ADAMTSL3: variants seen among roughly 807,000 people sequenced by gnomAD.
The protein encoded by ADAMTSL3 is ADAMTS like 3.
ADAMTSL3 carries 128 observed loss-of-function variants against 201.7 expected under a neutral mutation model. The observed-to-expected ratio is 0.63, with a 90% CI of 0.55 to 0.73. The LOEUF is 0.73. ADAMTSL3 is among the 30% of genes least tolerant of loss of function. The pLI, the probability that ADAMTSL3 is intolerant of heterozygous loss-of-function variation, is 0.00. For missense variants in ADAMTSL3, 1,990 were observed against 2,119.6 expected (o/e 0.94, Z 1.20); for synonymous variants, 738 against 748.4 (o/e 0.99, Z 0.23).
At chr15:83,944,867 C>T (rs1374571105) in intron 19 of ADAMTSL3, among the ~76,000 whole-genome samples, 1 of 152,164 alleles carries the variant, frequency 6.6e-6, no homozygotes, top group African/African-American at 2.4e-5. Context: ...TTTGACATGG[C>T]AATGTCTAGT....
rs1390882745 is a variant in ADAMTSL3, at chr15:83,943,087, G to A, written c.2490+5G>A. Reference sequence around the variant, plus strand: ...GCTGTGGGAGACTGGTCGAAGGTAAGGGCCAGGCTCAACTTTATAGTCCCT... The same window carrying A: ...GCTGTGGGAGACTGGTCGAAGGTAAAGGCCAGGCTCAACTTTATAGTCCCT... On this transcript the variant is annotated splice_donor_5th_base_variant and intron_variant, in intron 19 of 29. Coordinates refer to ENST00000286744, the MANE Select transcript of ADAMTSL3 (RefSeq NM_207517.3). The A allele has an allele frequency of 6.3e-7, 1 of 1,599,996 alleles. No individual in the cohort carries two copies. The highest frequency in any genetic ancestry group is 1.8e-5 in the Admixed American group (1 of 56,444).
At chr15:83,798,806 CAAAA>C (rs11340224) in intron 4 of ADAMTSL3, among the ~76,000 whole-genome samples, 3 of 76,352 alleles carry the variant, frequency 3.9e-5, no homozygotes, top group East Asian at 3.2e-4. Context: ...GACTCCGTCT[CAAAA>C]AAAAAAAAAA....
At chr15:83,828,289 T>C (rs1374939444) in intron 6 of ADAMTSL3, among the ~76,000 whole-genome samples, 1 of 152,222 alleles carries the variant, frequency 6.6e-6, no homozygotes, top group Non-Finnish European at 1.5e-5. Context: ...TTTGAAGCAA[T>C]GGTGAATGGG....
intron 4 of ADAMTSL3, among the ~76,000 whole-genome samples, chr15:83,791,392 G>C (rs188121166): frequency 3.0e-4 from 45 of 152,304 alleles, no homozygotes; most frequent in Non-Finnish European, 4.3e-4. Flanking sequence ...CAGACAGGTT[G>C]TCCGATGGAA....
At chr15:83,733,979 T>C (rs930682956) in intron 3 of ADAMTSL3, among the ~76,000 whole-genome samples, 1 of 152,082 alleles carries the variant, frequency 6.6e-6, no homozygotes, top group African/African-American at 2.4e-5. Context: ...CAGGCGGACA[T>C]TTAATTAAAG....
intron 2 of ADAMTSL3, among the ~76,000 whole-genome samples, chr15:83,697,239 A>G (rs547104161): frequency 6.6e-6 from 1 of 152,340 alleles, no homozygotes; most frequent in Admixed American, 6.5e-5. Context: ...GAAATAGGAA[A>G]AAACAAAACA....
In ADAMTSL3 at chr15:83,829,689, CT is replaced by C. The variant is rs1323151543; in HGVS notation, c.601-8399del. Among the ~76,000 whole-genome samples, 6 of 152,194 alleles carry C rather than the reference CT, an allele frequency of 3.9e-5. No individual in the cohort carries two copies. In the South Asian group the frequency reaches 1.0e-3, roughly 26 times the overall value. On this transcript the variant is annotated intron_variant, in intron 6 of 29. Coordinates refer to ENST00000286744, the MANE Select transcript of ADAMTSL3 (RefSeq NM_207517.3). ...AGTGCTATAAATTTCCCTCTACACA[CT>C]GCTTTAAATGTGTCCCAGAGATTCT...
chr15:83,824,146 C>T lies in ADAMTSL3; in HGVS notation c.600+4099C>T, dbSNP rs182434974. 4.6e-5 allele frequency among the ~76,000 whole-genome samples: 7 copies of T among 151,630 alleles called. No homozygotes were observed. The East Asian group carries it at 1.2e-3, about 25-fold the overall frequency. ...GCAGACTCATCCTCCTGGGCTCAAT[C>T]GATCCTCCTGCCTCAGCCTCCCACG... is the stretch of plus-strand genomic sequence containing the variant. On this transcript the variant is annotated intron_variant, in intron 6 of 29. Transcript: ENST00000286744.
chr15:83,714,112 T>TA (rs1323899012), intron 3 of ADAMTSL3, among the ~76,000 whole-genome samples: 2 of 152,242 alleles, frequency 1.3e-5, no homozygotes, highest in Non-Finnish European at 2.9e-5. Flanking sequence ...GTAGTACTCT[T>TA]AATCTGCTTT....
At chr15:83,870,758 C>G in intron 8 of ADAMTSL3, 44 bp from the exon 9 acceptor site, 1 of 1,468,750 alleles carries the variant, frequency 6.8e-7, no homozygotes, top group South Asian at 1.3e-5. Context: ...TAATAAAATA[C>G]CTTTAAGATT....
At chr15:83,718,308 A>T (rs2141564443) in intron 3 of ADAMTSL3, among the ~76,000 whole-genome samples, 1 of 152,292 alleles carries the variant, frequency 6.6e-6, no homozygotes, top group South Asian at 2.1e-4. Flanking sequence ...TTAGCCTGGA[A>T]CATTATGTAA....
chr15:83,906,698 T>C (rs2141941147), intron 15 of ADAMTSL3, among the ~76,000 whole-genome samples: 1 of 151,468 alleles, frequency 6.6e-6, no homozygotes, highest in Admixed American at 6.6e-5. Context: ...GCTACTTTAT[T>C]GAACTGTTTT....
intron 2 of ADAMTSL3, among the ~76,000 whole-genome samples, chr15:83,665,133 T>A (rs1221449678): frequency 6.6e-6 from 1 of 152,096 alleles, no homozygotes; most frequent in Non-Finnish European, 1.5e-5. Context: ...GGTGGAGAGT[T>A]AGCTGTGGAC....
At position 83,924,023 on chromosome 15, in the gene ADAMTSL3, T is replaced by C. The variant is rs377633349; in HGVS notation, c.2107T>C (p.Cys703Arg). Reference protein sequence around the residue: ...AMSQACNTEPCPPRWHVGSWG... With the variant: ...AMSQACNTEPRPPRWHVGSWG... ...GAGCCAGGCCTGTAACACAGAGCCCTGTCCCCCCAGGTATGTGCTGTCTTG... is the reference window on the plus strand; with the variant it reads ...GAGCCAGGCCTGTAACACAGAGCCCCGTCCCCCCAGGTATGTGCTGTCTTG... Residue 703 changes from cysteine to arginine, a missense_variant, in exon 17 of 30, where the codon TGT becomes CGT. Physicochemically the swap from Cys to Arg is radical, Grantham distance 180 (BLOSUM62 -3). Transcript: ENST00000286744. 3 of 1,614,094 alleles carry C rather than the reference T, an allele frequency of 1.9e-6. No homozygotes were observed. The highest frequency in any genetic ancestry group is 2.5e-6 in the Non-Finnish European group (3 of 1,179,986).
At position 83,889,695 on chromosome 15, in the gene ADAMTSL3, A is replaced by G. The variant is rs117454364; in HGVS notation, c.1073-414A>G. ...GTGGTGACAATGAGGAGAAAAGACA[A>G]TGAACCCAGGAGAATGAATAACTCT... On this transcript the variant is annotated intron_variant, in intron 10 of 29. Transcript: ENST00000286744. Among the ~76,000 whole-genome samples, 749 of 152,250 alleles carry G rather than the reference A, an allele frequency of 4.9e-3. 6 individuals carry two copies. The highest frequency in any genetic ancestry group is 7.9e-3 in the Non-Finnish European group (538 of 68,016).
At chr15:83,975,809 A>G (rs2067276674) in intron 20 of ADAMTSL3, among the ~76,000 whole-genome samples, 1 of 152,206 alleles carries the variant, frequency 6.6e-6, no homozygotes, top group Non-Finnish European at 1.5e-5. Flanking sequence ...ACATAGGTTC[A>G]AGAGAGAGCT....
In ADAMTSL3 at chr15:83,946,355, T is replaced by C. The variant is rs893087071; in HGVS notation, c.2490+3273T>C. On this transcript the variant is annotated intron_variant, in intron 19 of 29. Coordinates refer to ENST00000286744, the MANE Select transcript of ADAMTSL3 (RefSeq NM_207517.3). ...TGGGCCCACTTGTGTGTCTTTGCTCTTGTGGCTTTCAAATCCTTGGTCCAA... is the reference window on the plus strand; with the variant it reads ...TGGGCCCACTTGTGTGTCTTTGCTCCTGTGGCTTTCAAATCCTTGGTCCAA... Among the ~76,000 whole-genome samples the C allele has an allele frequency of 3.9e-5, 6 of 152,116 alleles. No homozygotes were observed. In the East Asian group the frequency reaches 1.2e-3, roughly 29 times the overall value.
intron 16 of ADAMTSL3, among the ~76,000 whole-genome samples, chr15:83,914,569 C>T (rs2141964421): frequency 1.3e-5 from 2 of 152,350 alleles, no homozygotes; most frequent in South Asian, 4.1e-4. Context: ...GACAGAGTTG[C>T]ACATGTGGAC....
chr15:84,037,995 AT>A lies in ADAMTSL3; in HGVS notation c.*195del. ...TTTCCAATGGTAGTTTTATATTCCA[AT>A]TTTTTAAAATGATGTATTCAAGGAT... On this transcript the variant is annotated 3_prime_UTR_variant, in exon 30 of 30. Coordinates refer to ENST00000286744, the MANE Select transcript of ADAMTSL3 (RefSeq NM_207517.3). The A allele has an allele frequency of 2.3e-6, 2 of 860,738 alleles. No individual in the cohort carries two copies. Among genetic ancestry groups the A allele is most frequent in the Non-Finnish European group, 3.4e-6 (2 of 595,168 alleles). 53.3% of individuals were successfully genotyped at this position (860,738 alleles called of 1,614,324 possible). A position where few individuals can be genotyped will look rare whatever the true frequency, so the allele number is the denominator to read the frequency against.
Sources: allele counts gnomAD v4.1 joint callset (sites outside exome capture counted in the v4.1 genomes callset), GRCh38; gene constraint gnomAD v4.1.1; transcripts MANE v1.5; gene names NCBI Gene and HGNC (gene_info 2026-07-23, HGNC 2026-07-21).